DENND1A: variants seen among roughly 807,000 people sequenced by gnomAD.
DENND1A encodes the protein DENN domain-containing protein 1A.
DENND1A carries 51 observed loss-of-function variants against 113.7 expected under a neutral mutation model. The ratio of observed to expected loss-of-function variants is 0.45; its 90% CI spans 0.36 to 0.57. The LOEUF (loss-of-function observed/expected upper bound fraction) is 0.57. Ranked by LOEUF, DENND1A falls within the 20% of genes least tolerant of loss-of-function variation. The pLI, the probability that DENND1A is intolerant of heterozygous loss-of-function variation, is 0.00. For missense variants in DENND1A, 1,258 were observed against 1,395.9 expected (o/e 0.90, Z 1.57); for synonymous variants, 565 against 570.8 (o/e 0.99, Z 0.14).
chr9:123,408,743 C>T (rs1203962807), intron 20 of DENND1A, among the ~76,000 whole-genome samples: 24 of 152,220 alleles, frequency 1.6e-4, no homozygotes, highest in Admixed American at 1.4e-3. Flanking sequence ...TCTCTCACAG[C>T]GTCTGTCTCC....
At chr9:123,652,419 C>A in intron 8 of DENND1A, 1 of 255,390 alleles carries the variant, frequency 3.9e-6, no homozygotes. Flanking sequence ...AACAGGAATT[C>A]TACATATCTT....
chr9:123,868,880 A>C (rs1313077827), intron 2 of DENND1A, among the ~76,000 whole-genome samples: 1 of 152,220 alleles, frequency 6.6e-6, no homozygotes, highest in East Asian at 1.9e-4. Context: ...AACTCATTCT[A>C]TATAACCAAT....
chr9:123,465,060 TCAGCCAG>T (rs2048829157), intron 13 of DENND1A, among the ~76,000 whole-genome samples: 1 of 144,118 alleles, frequency 6.9e-6, no homozygotes, highest in Admixed American at 7.0e-5. Flanking sequence ...TCCCAGCTAC[TCAGCCAG>T]CTACTCGAGA....
At chr9:123,687,970 C>A (rs1040616105) in intron 5 of DENND1A, among the ~76,000 whole-genome samples, 3 of 152,234 alleles carry the variant, frequency 2.0e-5, no homozygotes, top group Admixed American at 2.0e-4. Flanking sequence ...ACAAGATCCA[C>A]CTAGGTGCAA....
intron 2 of DENND1A, among the ~76,000 whole-genome samples, chr9:123,863,494 T>C (rs2133318959): frequency 6.6e-6 from 1 of 152,336 alleles, no homozygotes; most frequent in South Asian, 2.1e-4. Context: ...TCATAAAAGC[T>C]GCAGAGTAAA....
intron 1 of DENND1A, among the ~76,000 whole-genome samples, chr9:123,890,035 A>G (rs1278414576): frequency 6.6e-6 from 1 of 152,198 alleles, no homozygotes; most frequent in Non-Finnish European, 1.5e-5. Flanking sequence ...TCAGTCAGTA[A>G]TAAAGTGAAC....
At chr9:123,705,772 A>C (rs1279924862) in intron 5 of DENND1A, among the ~76,000 whole-genome samples, 1 of 152,220 alleles carries the variant, frequency 6.6e-6, no homozygotes, top group Non-Finnish European at 1.5e-5. Context: ...TGAAAATTTC[A>C]ACCTGGTTTT....
chr9:123,643,996 T>C (rs2062167399), intron 9 of DENND1A, among the ~76,000 whole-genome samples: 1 of 152,188 alleles, frequency 6.6e-6, no homozygotes. Context: ...AGGGAATTCA[T>C]GACAATGAAG....
At chr9:123,478,896 C>T (rs1013580376) in intron 13 of DENND1A, among the ~76,000 whole-genome samples, 5 of 152,300 alleles carry the variant, frequency 3.3e-5, no homozygotes, top group South Asian at 4.1e-4. Flanking sequence ...AATGAGACTT[C>T]GTGTTAATCC....
intron 21 of DENND1A, chr9:123,401,343 G>T (rs550158886): frequency 1.4e-5 from 4 of 291,646 alleles, no homozygotes; most frequent in African/African-American, 4.4e-5. Context: ...GAGCACAGTG[G>T]GGGGGTGGGG....
At chr9:123,817,104 C>T (rs1837621322) in intron 2 of DENND1A, among the ~76,000 whole-genome samples, 1 of 152,116 alleles carries the variant, frequency 6.6e-6, no homozygotes, top group Non-Finnish European at 1.5e-5. Context: ...TCAATGGTAA[C>T]CCCGATGGTA....
intron 1 of DENND1A, among the ~76,000 whole-genome samples, chr9:123,924,709 T>G (rs1365006301): frequency 1.3e-5 from 2 of 152,100 alleles, no homozygotes; most frequent in Non-Finnish European, 2.9e-5. Flanking sequence ...CTTATAAGAT[T>G]CACATACTAT....
intron 7 of DENND1A, among the ~76,000 whole-genome samples, chr9:123,669,983 G>A (rs922381109): frequency 2.0e-5 from 3 of 152,014 alleles, no homozygotes; most frequent in Non-Finnish European, 2.9e-5. Flanking sequence ...TTAACTACAC[G>A]ACCTTGGAAG....
intron 13 of DENND1A, among the ~76,000 whole-genome samples, chr9:123,554,711 CT>C (rs1010669897): frequency 2.0e-5 from 3 of 152,156 alleles, no homozygotes; most frequent in Non-Finnish European, 4.4e-5. Context: ...ATGAAAATTA[CT>C]TCCCATTGTA....
intron 11 of DENND1A, among the ~76,000 whole-genome samples, chr9:123,594,896 T>C (rs554638660): frequency 1.3e-5 from 2 of 152,144 alleles, no homozygotes; most frequent in African/African-American, 4.8e-5. Context: ...GGAAAGTGGA[T>C]AGGACAGGAA....
intron 18 of DENND1A, among the ~76,000 whole-genome samples, chr9:123,443,059 T>C (rs968511864): frequency 2.0e-5 from 3 of 152,154 alleles, no homozygotes; most frequent in African/African-American, 7.2e-5. Context: ...GTTCCCACAA[T>C]GATCACAAGG....
chr9:123,553,719 T>C lies in DENND1A; in HGVS notation c.993+3851A>G, dbSNP rs116390893. On this transcript the variant is annotated intron_variant, in intron 13 of 23. Transcript: ENST00000394215. ...ACCACTGTATCTCACCTTGCGACGA[T>C]AGGATTATGGGTGGTGCTTTCTCAT... is the stretch of plus-strand genomic sequence containing the variant. Among the ~76,000 whole-genome samples the C allele has an allele frequency of 3.4e-3, 516 of 152,272 alleles. 3 individuals carry two copies. Among genetic ancestry groups the C allele is most frequent in the African/African-American group, 0.012 (486 of 41,540 alleles).
chr9:123,430,151 C>T (rs937244911), intron 19 of DENND1A, among the ~76,000 whole-genome samples: 2 of 152,140 alleles, frequency 1.3e-5, no homozygotes, highest in Admixed American at 1.3e-4. Flanking sequence ...CCATCTCACA[C>T]CAGTCAGAAT....
intron 5 of DENND1A, among the ~76,000 whole-genome samples, chr9:123,735,586 G>C (rs748523487): frequency 2.6e-5 from 4 of 152,192 alleles, no homozygotes; most frequent in Non-Finnish European, 5.9e-5. Flanking sequence ...TGATATTCTA[G>C]AAATTGTCCT....
Sources: allele counts gnomAD v4.1 joint callset (sites outside exome capture counted in the v4.1 genomes callset), GRCh38; gene constraint gnomAD v4.1.1; transcripts MANE v1.5; gene names NCBI Gene and HGNC (gene_info 2026-07-23, HGNC 2026-07-21).